Variants in PLPPR5 observed in about 807,000 individuals in gnomAD.
PLPPR5 encodes the protein phospholipid phosphatase related 5.
In PLPPR5, 16 loss-of-function variants were observed where a neutral mutation model predicts 33.9. The ratio of observed to expected loss-of-function variants is 0.47; its 90% CI spans 0.32 to 0.72. The LOEUF is 0.72. Ranked by LOEUF, PLPPR5 falls within the 30% of genes least tolerant of loss-of-function variation. PLPPR5 has a pLI of 0.03. For missense variants in PLPPR5, 301 were observed against 406.7 expected, an observed-to-expected ratio of 0.74 and a Z score of 2.23; for synonymous variants, 163 against 150.3, an observed-to-expected ratio of 1.08 and a Z score of -0.62.
chr1:98,950,025 A>C (rs1192279098), intron 3 of PLPPR5, among the ~76,000 whole-genome samples: 1 of 152,194 alleles, frequency 6.6e-6, no homozygotes, highest in Non-Finnish European at 1.5e-5. Context: ...TTGGCTTTAC[A>C]GTTTACTGGA....
intron 1 of PLPPR5, among the ~76,000 whole-genome samples, chr1:98,978,383 C>T (rs1033189387): frequency 1.3e-5 from 2 of 151,950 alleles, no homozygotes; most frequent in Admixed American, 6.6e-5. Flanking sequence ...AATGATGGTT[C>T]GATGTTGCAT....
chr1:98,985,943 T>C (rs1652246375), intron 1 of PLPPR5, among the ~76,000 whole-genome samples: 1 of 152,006 alleles, frequency 6.6e-6, no homozygotes, highest in Admixed American at 6.6e-5. Context: ...ATGCAACATA[T>C]TTTGAGGTGG....
intron 3 of PLPPR5, among the ~76,000 whole-genome samples, chr1:98,944,769 T>C (rs1385515110): frequency 6.6e-6 from 1 of 152,196 alleles, no homozygotes; most frequent in Non-Finnish European, 1.5e-5. Context: ...GCAGCTCTGG[T>C]ACCTGGGCCA....
At chr1:98,954,819 A>G (rs1650942058) in intron 2 of PLPPR5, among the ~76,000 whole-genome samples, 1 of 152,128 alleles carries the variant, frequency 6.6e-6, no homozygotes, top group African/African-American at 2.4e-5. Context: ...CTCCTGGCCA[A>G]GCATGGGAAC....
chr1:98,956,067 A>G (rs1487731476), intron 2 of PLPPR5, among the ~76,000 whole-genome samples: 1 of 152,150 alleles, frequency 6.6e-6, no homozygotes, highest in African/African-American at 2.4e-5. Flanking sequence ...TCAACTTAGA[A>G]GTAGTGCATG....
chr1:98,929,635 C>T (rs758555136), intron 3 of PLPPR5, among the ~76,000 whole-genome samples: 4 of 152,098 alleles, frequency 2.6e-5, no homozygotes, highest in African/African-American at 7.2e-5. Context: ...GCACAAAGGC[C>T]GATTGATGGT....
intron 5 of PLPPR5, among the ~76,000 whole-genome samples, chr1:98,904,692 G>A (rs1031791024): frequency 3.3e-5 from 5 of 152,150 alleles, no homozygotes; most frequent in African/African-American, 4.8e-5. Flanking sequence ...AGAGAAGGAC[G>A]ACAGAGCTCA....
chr1:98,992,496 T>C (rs1039172127), intron 1 of PLPPR5, among the ~76,000 whole-genome samples: 1 of 152,142 alleles, frequency 6.6e-6, no homozygotes, highest in Non-Finnish European at 1.5e-5. Context: ...TTATGCTATG[T>C]GAAAATCACA....
intron 3 of PLPPR5, among the ~76,000 whole-genome samples, chr1:98,948,037 G>C (rs1342380804): frequency 6.6e-6 from 1 of 152,176 alleles, no homozygotes; most frequent in Non-Finnish European, 1.5e-5. Flanking sequence ...CATGATGGCA[G>C]CCTGGAGCTT....
intron 3 of PLPPR5, among the ~76,000 whole-genome samples, chr1:98,925,325 G>A (rs1327088938): frequency 6.6e-6 from 1 of 152,196 alleles, no homozygotes; most frequent in Non-Finnish European, 1.5e-5. Flanking sequence ...TCTAGGGTCA[G>A]TAGATGCTCA....
intron 1 of PLPPR5, among the ~76,000 whole-genome samples, chr1:98,999,105 C>T (rs1652734717): frequency 2.0e-5 from 3 of 152,170 alleles, no homozygotes; most frequent in African/African-American, 7.2e-5. Context: ...GGTCAGTAGA[C>T]TAAACTAGGT....
chr1:98,911,224 A>G (rs1649135034), intron 5 of PLPPR5, among the ~76,000 whole-genome samples: 1 of 152,204 alleles, frequency 6.6e-6, no homozygotes, highest in Non-Finnish European at 1.5e-5. Flanking sequence ...AAGATGGGAG[A>G]GTAAAGCTGG....
chr1:98,951,834 T>G (rs1043084434), intron 3 of PLPPR5, among the ~76,000 whole-genome samples: 1 of 152,186 alleles, frequency 6.6e-6, no homozygotes, highest in Non-Finnish European at 1.5e-5. Flanking sequence ...AATTCCAAGT[T>G]TTTCCAAGTC....
chr1:98,903,005 A>G (rs1334529831), intron 5 of PLPPR5, among the ~76,000 whole-genome samples: 1 of 152,160 alleles, frequency 6.6e-6, no homozygotes, highest in African/African-American at 2.4e-5. Flanking sequence ...GATTCTGAGT[A>G]TACTGGAGTA....
intron 3 of PLPPR5, among the ~76,000 whole-genome samples, chr1:98,948,035 C>A (rs1032005512): frequency 2.6e-5 from 4 of 152,162 alleles, no homozygotes; most frequent in Non-Finnish European, 4.4e-5. Flanking sequence ...TACATGATGG[C>A]AGCCTGGAGC....
At chr1:98,895,321 T>C (rs541467012) in intron 5 of PLPPR5, among the ~76,000 whole-genome samples, 15 of 152,160 alleles carry the variant, frequency 9.9e-5, no homozygotes, top group African/African-American at 3.6e-4. Flanking sequence ...CCTTACCAGA[T>C]GTGAGCACCT....
chr1:99,001,611 G>A (rs1652846176), intron 1 of PLPPR5, among the ~76,000 whole-genome samples: 1 of 146,990 alleles, frequency 6.8e-6, no homozygotes, highest in Admixed American at 6.8e-5. Flanking sequence ...GACTGTGGTA[G>A]TGAGGAGAAC....
At chr1:98,904,024 G>T (rs11166139) in intron 5 of PLPPR5, among the ~76,000 whole-genome samples, 106,729 of 151,904 alleles carry the variant, frequency 0.7, 38,201 homozygotes, top group East Asian at 0.8. Flanking sequence ...TAATTTTTTT[G>T]GCAGTTGCCA....
chr1:98,954,290 C>T (rs1055476116), intron 2 of PLPPR5, among the ~76,000 whole-genome samples: 3 of 152,118 alleles, frequency 2.0e-5, no homozygotes, highest in Admixed American at 1.3e-4. Flanking sequence ...AAAGGAAATT[C>T]ATCCTTTTAT....
Sources: allele counts gnomAD v4.1 joint callset (sites outside exome capture counted in the v4.1 genomes callset), GRCh38; gene constraint gnomAD v4.1.1; transcripts MANE v1.5; gene names NCBI Gene and HGNC (gene_info 2026-07-23, HGNC 2026-07-21).